Variants in SNTG2 observed in about 807,000 individuals in gnomAD.
SNTG2 encodes syntrophin gamma 2, also known as gamma-2-syntrophin.
Under a neutral mutation model 70.9 loss-of-function variants are expected in SNTG2, and 74 were observed. The ratio of observed to expected loss-of-function variants is 1.04; its 90% confidence interval spans 0.86 to 1.27. The LOEUF (loss-of-function observed/expected upper bound fraction) is 1.27, where lower values mean the gene tolerates loss of function less well. SNTG2 is among the 50% of genes most tolerant of loss of function. The pLI is 0.00. For synonymous variants in SNTG2, 278 were observed against 273.8 expected (o/e 1.02, Z -0.15); for missense variants, 717 against 690.7 (o/e 1.04, Z -0.43).
chr2:1,006,825 A>T (rs1391223532), intron 1 of SNTG2, among the ~76,000 whole-genome samples: 1 of 152,078 alleles, frequency 6.6e-6, no homozygotes, highest in Non-Finnish European at 1.5e-5. Context: ...CAGAAGATCG[A>T]GACCAGCCTG....
At chr2:954,414 TG>T (rs1335009068) in intron 1 of SNTG2, among the ~76,000 whole-genome samples, 2 of 152,132 alleles carry the variant, frequency 1.3e-5, no homozygotes, top group Non-Finnish European at 2.9e-5. Flanking sequence ...ACAAGGAAGG[TG>T]GAAAACATGC....
At chr2:1,348,945 T>C (rs574218353) in intron 16 of SNTG2, among the ~76,000 whole-genome samples, 1 of 152,220 alleles carries the variant, frequency 6.6e-6, no homozygotes, top group African/African-American at 2.4e-5. Flanking sequence ...TCTTGACTGA[T>C]GCACAAAACA....
rs866999592 is a variant in SNTG2, at chr2:1,221,475, C to G, written c.719+12245C>G. On this transcript the variant is annotated intron_variant, in intron 9 of 16. Coordinates refer to ENST00000308624, the MANE Select transcript of SNTG2 (RefSeq NM_018968.4). ...TCTCTCTCTGTCTCTGTCTCTCTGTCTCTCTCTCTCTCTGTCTCTCTCTGT... is the reference window on the plus strand; with the variant it reads ...TCTCTCTCTGTCTCTGTCTCTCTGTGTCTCTCTCTCTCTGTCTCTCTCTGT... 5.5e-5 allele frequency among the ~76,000 whole-genome samples: 3 copies of G among 54,594 alleles called. 1 individual carries two copies. The highest frequency in any genetic ancestry group is 2.4e-4 in the African/African-American group (2 of 8,442). The allele number at this position is 54,594 out of a possible 152,430, so 35.8% of individuals were successfully genotyped here. A position where few individuals can be genotyped will look rare whatever the true frequency, so the allele number is the denominator to read the frequency against.
chr2:1,352,449 C>T (rs1275197652), intron 16 of SNTG2, among the ~76,000 whole-genome samples: 6 of 152,186 alleles, frequency 3.9e-5, no homozygotes, highest in Non-Finnish European at 8.8e-5. Context: ...TGGGCCTGTG[C>T]AGGCCTCCTC....
intron 13 of SNTG2, among the ~76,000 whole-genome samples, chr2:1,264,204 A>C (rs1049457266): frequency 3.3e-5 from 5 of 152,266 alleles, no homozygotes; most frequent in African/African-American, 1.2e-4. Context: ...TGTAAAATAT[A>C]AATCAATCAA....
intron 4 of SNTG2, among the ~76,000 whole-genome samples, chr2:1,120,171 CAAGA>C (rs1264450731): frequency 6.6e-6 from 1 of 151,920 alleles, no homozygotes; most frequent in Non-Finnish European, 1.5e-5. Context: ...ATATTCCAAA[CAAGA>C]AAATAAGAAA....
intron 1 of SNTG2, among the ~76,000 whole-genome samples, chr2:985,666 T>A (rs1215621460): frequency 6.6e-6 from 1 of 152,130 alleles, no homozygotes; most frequent in Admixed American, 6.5e-5. Flanking sequence ...TAGCATTCTC[T>A]GTGGTTGATT....
At chr2:1,185,162 A>C (rs1672169130) in intron 8 of SNTG2, among the ~76,000 whole-genome samples, 1 of 152,192 alleles carries the variant, frequency 6.6e-6, no homozygotes, top group South Asian at 2.1e-4. Flanking sequence ...TTTTGACTCC[A>C]TGTCTCACAT....
chr2:1,046,401 G>C (rs777589522), intron 1 of SNTG2, among the ~76,000 whole-genome samples: 1 of 152,034 alleles, frequency 6.6e-6, no homozygotes, highest in Non-Finnish European at 1.5e-5. Context: ...CTGTCATCGT[G>C]TTATTAGGTA....
chr2:1,198,601 C>T (rs6728780), intron 8 of SNTG2, among the ~76,000 whole-genome samples: 49,316 of 151,644 alleles, frequency 0.33, 8,547 homozygotes, highest in East Asian at 0.66. Context: ...ACTAAAAAAG[C>T]ACAAAGATTA....
chr2:1,279,719 G>A (rs1014915426), intron 14 of SNTG2, among the ~76,000 whole-genome samples: 46 of 152,136 alleles, frequency 3.0e-4, no homozygotes, highest in African/African-American at 1.0e-3. Flanking sequence ...TTTCTCCAGC[G>A]GTCAGTCAGG....
chr2:1,200,887 T>G (rs371784542), intron 8 of SNTG2, among the ~76,000 whole-genome samples: 85 of 152,018 alleles, frequency 5.6e-4, no homozygotes, highest in African/African-American at 2.0e-3. Context: ...AAAAAGATTT[T>G]AGAAAAATTA....
At chr2:1,049,519 T>C (rs1161566052) in intron 1 of SNTG2, among the ~76,000 whole-genome samples, 2 of 152,246 alleles carry the variant, frequency 1.3e-5, no homozygotes, top group Non-Finnish European at 2.9e-5. Context: ...TAAATCGTAT[T>C]GTCTGGATAA....
intron 15 of SNTG2, among the ~76,000 whole-genome samples, chr2:1,309,143 G>T (rs919773678): frequency 2.0e-5 from 3 of 152,188 alleles, no homozygotes; most frequent in South Asian, 4.1e-4. Context: ...GAGTGAAATG[G>T]AAAGTGTTGG....
At chr2:1,321,706 G>C (rs1681530730) in intron 16 of SNTG2, among the ~76,000 whole-genome samples, 1 of 152,052 alleles carries the variant, frequency 6.6e-6, no homozygotes, top group African/African-American at 2.4e-5. Context: ...CATGAACCAG[G>C]GGCTCCTAAA....
intron 1 of SNTG2, among the ~76,000 whole-genome samples, chr2:956,583 C>T (rs998626949): frequency 4.6e-5 from 7 of 152,374 alleles, no homozygotes; most frequent in African/African-American, 1.4e-4. Context: ...CCCCCAGGGC[C>T]CCGGCCCACC....
At chr2:1,159,099 C>CGTGTGCGT (rs1670095437) in intron 6 of SNTG2, among the ~76,000 whole-genome samples, 1 of 56,252 alleles carries the variant, frequency 1.8e-5, no homozygotes, top group Non-Finnish European at 5.7e-5. Context: ...TATGTGCATG[C>CGTGTGCGT]GTGTACCTGT....
intron 1 of SNTG2, among the ~76,000 whole-genome samples, chr2:957,704 GACTGGT>G (rs1377734876): frequency 6.6e-6 from 1 of 151,864 alleles, no homozygotes; most frequent in African/African-American, 2.4e-5. Flanking sequence ...TGGAAGGCGA[GACTGGT>G]ACTGAGACTG....
At position 1,140,953 on chromosome 2, in the gene SNTG2, G is replaced by A. The variant is rs78305061; in HGVS notation, c.411+3144G>A. Among the ~76,000 whole-genome samples the A allele has an allele frequency of 5.6e-3, 854 of 152,304 alleles. 6 individuals carry two copies. Among genetic ancestry groups the A allele is most frequent in the African/African-American group, 0.019 (808 of 41,550 alleles). On this transcript the variant is annotated intron_variant, in intron 6 of 16. Coordinates refer to ENST00000308624, the MANE Select transcript of SNTG2 (RefSeq NM_018968.4). Reference sequence around the variant, plus strand: ...CTATAATAGCTTTTACTATGATTACGAACTCATGGCAGATCCTGCCTGTAG... The same window carrying A: ...CTATAATAGCTTTTACTATGATTACAAACTCATGGCAGATCCTGCCTGTAG...
Sources: gnomAD v4.1 joint callset for allele counts (sites outside exome capture counted in the v4.1 genomes callset) on GRCh38, gnomAD v4.1.1 for gene constraint, MANE v1.5 for transcripts, NCBI Gene and HGNC (gene_info 2026-07-23, HGNC 2026-07-21) for gene names.